Variants in DLG2 observed in about 807,000 individuals in gnomAD.
DLG2 encodes discs large MAGUK scaffold protein 2.
Under a neutral mutation model 132.5 loss-of-function variants are expected in DLG2, and 45 were observed. That is an observed-to-expected ratio of 0.34 (90% CI 0.27 to 0.44). The LOEUF (loss-of-function observed/expected upper bound fraction) is 0.44. Among genes scored for constraint, DLG2 ranks in the 20% least tolerant of loss-of-function variants. The pLI is 1.00. For synonymous variants in DLG2, 424 were observed against 419.6 expected (o/e 1.01, Z -0.13); for missense variants, 1,045 against 1,196.9 (o/e 0.87, Z 1.87).
At chr11:83,696,245 T>A (rs182239080) in intron 18 of DLG2, among the ~76,000 whole-genome samples, 1 of 152,118 alleles carries the variant, frequency 6.6e-6, no homozygotes, top group East Asian at 1.9e-4. Flanking sequence ...AGAACTAATA[T>A]TAGGAAGGAG....
At chr11:84,675,453 T>C (rs1349672760) in intron 6 of DLG2, among the ~76,000 whole-genome samples, 1 of 152,030 alleles carries the variant, frequency 6.6e-6, no homozygotes. Flanking sequence ...ACAAATAAGA[T>C]GAAGTATAAA....
chr11:83,601,243 G>C (rs527540023), intron 19 of DLG2, among the ~76,000 whole-genome samples: 2 of 152,308 alleles, frequency 1.3e-5, no homozygotes, highest in East Asian at 3.9e-4. Flanking sequence ...ACTTTGCCAA[G>C]GGTCCTCAAT....
chr11:84,370,759 G>C (rs556177618), intron 7 of DLG2, among the ~76,000 whole-genome samples: 4 of 152,080 alleles, frequency 2.6e-5, no homozygotes, highest in Non-Finnish European at 4.4e-5. Flanking sequence ...CGTTATAGGC[G>C]TTCAAGAAAT....
intron 11 of DLG2, among the ~76,000 whole-genome samples, chr11:83,995,561 C>T (rs1244033424): frequency 1.3e-5 from 2 of 152,126 alleles, no homozygotes; most frequent in Non-Finnish European, 2.9e-5. Flanking sequence ...ATCACATTCC[C>T]TGACTTCAAA....
At chr11:84,277,984 C>A (rs981349552) in intron 7 of DLG2, among the ~76,000 whole-genome samples, 4 of 151,436 alleles carry the variant, frequency 2.6e-5, no homozygotes, top group African/African-American at 7.3e-5. Flanking sequence ...GACTTGAAAT[C>A]CTGGCTTCAG....
intron 7 of DLG2, among the ~76,000 whole-genome samples, chr11:84,356,951 G>C (rs771214035): frequency 6.6e-6 from 1 of 152,036 alleles, no homozygotes; most frequent in Non-Finnish European, 1.5e-5. Context: ...AGGGCTATTG[G>C]GTAGAAATCA....
At chr11:85,302,346 A>G (rs1017503967) in intron 3 of DLG2, among the ~76,000 whole-genome samples, 8 of 152,320 alleles carry the variant, frequency 5.3e-5, no homozygotes, top group Non-Finnish European at 7.3e-5. Flanking sequence ...GTTATTAATC[A>G]AAGTATTACA....
chr11:85,593,343 C>T (rs1385082148), intron 3 of DLG2, among the ~76,000 whole-genome samples: 1 of 152,106 alleles, frequency 6.6e-6, no homozygotes, highest in Non-Finnish European at 1.5e-5. Flanking sequence ...TTTAACATGC[C>T]TCAGAATCAC....
intron 3 of DLG2, among the ~76,000 whole-genome samples, chr11:85,482,730 T>A (rs998780626): frequency 3.3e-5 from 5 of 151,930 alleles, no homozygotes; most frequent in African/African-American, 4.8e-5. Flanking sequence ...AGGCTCCACA[T>A]GGACCCCAGC....
intron 6 of DLG2, among the ~76,000 whole-genome samples, chr11:85,003,121 C>G (rs969869365): frequency 1.3e-5 from 2 of 151,864 alleles, no homozygotes; most frequent in South Asian, 2.1e-4. Context: ...CCTTAATCTC[C>G]ACATTTTTCA....
chr11:84,652,648 C>G (rs1454121684), intron 6 of DLG2, among the ~76,000 whole-genome samples: 1 of 151,926 alleles, frequency 6.6e-6, no homozygotes, highest in African/African-American at 2.4e-5. Context: ...AATAGACATG[C>G]CAAGAAAAAT....
At chr11:85,505,041 G>T (rs1272364068) in intron 3 of DLG2, among the ~76,000 whole-genome samples, 1 of 151,978 alleles carries the variant, frequency 6.6e-6, no homozygotes, top group African/African-American at 2.4e-5. Context: ...TGGTGTACAG[G>T]AATGCTTGTG....
chr11:83,719,989 C>T (rs982936120), intron 18 of DLG2, among the ~76,000 whole-genome samples: 2 of 151,904 alleles, frequency 1.3e-5, no homozygotes, highest in African/African-American at 4.8e-5. Flanking sequence ...ATAAGAAAAT[C>T]TTAGTAAAAA....
intron 7 of DLG2, among the ~76,000 whole-genome samples, chr11:84,351,218 G>C (rs1005425984): frequency 1.3e-5 from 2 of 151,848 alleles, no homozygotes; most frequent in African/African-American, 4.8e-5. Context: ...AATTAACCCA[G>C]AATTAAAGTT....
At chr11:84,836,947 T>C (rs1422472694) in intron 6 of DLG2, among the ~76,000 whole-genome samples, 1 of 151,838 alleles carries the variant, frequency 6.6e-6, no homozygotes, top group Non-Finnish European at 1.5e-5. Context: ...GCCATGTTGG[T>C]GTGCTGCACC....
chr11:85,116,552 C>T (rs572203861), intron 5 of DLG2, among the ~76,000 whole-genome samples: 42 of 151,554 alleles, frequency 2.8e-4, no homozygotes, highest in Non-Finnish European at 5.3e-4. Context: ...ATTATTCTGG[C>T]AAAATAAAGG....
At chr11:85,459,918 T>C (rs2092550602) in intron 3 of DLG2, among the ~76,000 whole-genome samples, 1 of 152,160 alleles carries the variant, frequency 6.6e-6, no homozygotes, top group Admixed American at 6.5e-5. Flanking sequence ...TGGCCACTTT[T>C]CCATGGGATG....
At chr11:83,824,224 G>A (rs1565214904) in intron 17 of DLG2, among the ~76,000 whole-genome samples, 1 of 152,070 alleles carries the variant, frequency 6.6e-6, no homozygotes, top group Non-Finnish European at 1.5e-5. Context: ...CCTCTTTGTT[G>A]GGAAGTTTCC....
At chr11:84,487,009 T>G (rs2099152749) in intron 7 of DLG2, among the ~76,000 whole-genome samples, 1 of 152,064 alleles carries the variant, frequency 6.6e-6, no homozygotes. Context: ...TACCCAAAAT[T>G]GGAAGTGAGT....
Sources: gnomAD v4.1 joint callset for allele counts (sites outside exome capture counted in the v4.1 genomes callset) on GRCh38, gnomAD v4.1.1 for gene constraint, MANE v1.5 for transcripts, NCBI Gene and HGNC (gene_info 2026-07-23, HGNC 2026-07-21) for gene names.